The following REL variants were observed in gnomAD, a reference collection of about 807,000 sequenced individuals.
REL encodes proto-oncogene c-Rel.
Under a neutral mutation model 45.9 loss-of-function variants are expected in REL, and 15 were observed. That is an observed-to-expected ratio of 0.33 (90% CI 0.22 to 0.50). The LOEUF (loss-of-function observed/expected upper bound fraction) is 0.50. Ranked by LOEUF, REL falls within the 20% of genes least tolerant of loss-of-function variation. The probability of loss-of-function intolerance (pLI) is 0.98; values close to 1 mark genes in which losing one functional copy is unlikely to be tolerated. For synonymous variants in REL, 239 were observed against 242.1 expected (o/e 0.99, Z 0.12); for missense variants, 601 against 715.2 (o/e 0.84, Z 1.82).
Position 60,928,157 on chromosome 2 carries a change from A to C in REL, c.*5622A>C. Reference sequence around the variant, plus strand: ...ATATAAGGAAAACCTGTCTCTGCAAAAAAAAAAAAAAAAAGAGGATACAAC... The same window carrying C: ...ATATAAGGAAAACCTGTCTCTGCAACAAAAAAAAAAAAAAGAGGATACAAC... On this transcript the variant is annotated 3_prime_UTR_variant, in exon 10 of 10. Coordinates refer to ENST00000394479, the MANE Select transcript of REL (RefSeq NM_001291746.2). 6.1e-6 allele frequency: 1 copy of C among 164,592 alleles called. No individual in the cohort carries two copies. The highest frequency in any genetic ancestry group is 1.2e-4 in the East Asian group (1 of 8,268). 10.2% of individuals were successfully genotyped at this position (164,592 alleles called of 1,614,324 possible).
At chr2:60,903,867 A>C (rs548018727) in intron 4 of REL, among the ~76,000 whole-genome samples, 1 of 152,024 alleles carries the variant, frequency 6.6e-6, no homozygotes, top group African/African-American at 2.4e-5. Context: ...GGGTTTTGCC[A>C]TATTCTCCAG....
chr2:60,912,387 T>G (rs1348957178), intron 4 of REL, among the ~76,000 whole-genome samples: 2 of 152,204 alleles, frequency 1.3e-5, no homozygotes, highest in African/African-American at 4.8e-5. Flanking sequence ...TTGTGACCCA[T>G]AGTCTGCCGT....
At chr2:60,890,949 G>A (rs35106495) in intron 1 of REL, among the ~76,000 whole-genome samples, 2 of 152,116 alleles carry the variant, frequency 1.3e-5, no homozygotes, top group Non-Finnish European at 2.9e-5. Context: ...TTTGAGAGTC[G>A]TCCATGTTAT....
intron 1 of REL, among the ~76,000 whole-genome samples, chr2:60,884,578 A>G (rs1002004155): frequency 4.6e-5 from 7 of 152,116 alleles, no homozygotes; most frequent in South Asian, 4.1e-4. Context: ...TCTATTTAAT[A>G]TAAGTAAAAT....
At chr2:60,920,181 T>G (rs1674099473) in intron 8 of REL, 72 bp downstream of exon 8, 1 of 1,195,870 alleles carries the variant, frequency 8.4e-7, no homozygotes, top group Non-Finnish European at 1.2e-6. Flanking sequence ...TTTTCAAATT[T>G]TATTATTTTT....
intron 3 of REL, among the ~76,000 whole-genome samples, chr2:60,897,102 C>A (rs1673369991): frequency 6.6e-6 from 1 of 152,020 alleles, no homozygotes; most frequent in Non-Finnish European, 1.5e-5. Context: ...TAAAAAGTAT[C>A]ACTGTAAACT....
chr2:60,893,426 A>T (rs1332720679), intron 2 of REL, among the ~76,000 whole-genome samples: 1 of 152,198 alleles, frequency 6.6e-6, no homozygotes, highest in Non-Finnish European at 1.5e-5. Context: ...AATAAAAAGG[A>T]AATAAGGAAA....
At chr2:60,900,658 A>C (rs1300454047) in intron 3 of REL, 1 of 194,016 alleles carries the variant, frequency 5.2e-6, no homozygotes, top group Non-Finnish European at 1.0e-5. Flanking sequence ...CGAGTAGCTG[A>C]GATTACAAGC....
chr2:60,890,153 A>G (rs2103923900), intron 1 of REL, among the ~76,000 whole-genome samples: 1 of 152,264 alleles, frequency 6.6e-6, no homozygotes, highest in Non-Finnish European at 1.5e-5. Context: ...AACTGGTGTA[A>G]GATGGTATCT....
rs549824510 is a variant in REL at position 60,928,154 on chromosome 2, CAA to C, written c.*5635_*5636del. ...GTAATATAAGGAAAACCTGTCTCTG[CAA>C]AAAAAAAAAAAAAAAGAGGATACAA... is the stretch of plus-strand genomic sequence containing the variant. On this transcript the variant is annotated 3_prime_UTR_variant, in exon 10 of 10. Transcript: ENST00000394479. 8.5e-3 allele frequency: 707 copies of C among 82,910 alleles called. No individual in the cohort carries two copies. Among genetic ancestry groups the C allele is most frequent in the East Asian group, 0.038 (179 of 4,772 alleles). 5.1% of individuals were successfully genotyped at this position (82,910 alleles called of 1,614,324 possible).
chr2:60,907,199 C>T (rs942380714), intron 4 of REL, among the ~76,000 whole-genome samples: 33 of 151,548 alleles, frequency 2.2e-4, no homozygotes, highest in African/African-American at 7.8e-4. Flanking sequence ...GGATTACAGG[C>T]GTGAGCCACC....
intron 2 of REL, among the ~76,000 whole-genome samples, chr2:60,892,989 G>A (rs183249104): frequency 5.8e-4 from 88 of 152,256 alleles, no homozygotes; most frequent in African/African-American, 1.8e-3. Context: ...TCCTGACCTC[G>A]TGATCCGACT....
At position 60,918,423 on chromosome 2, in the gene REL, G is replaced by A. The variant is rs188947380; in HGVS notation, c.670G>A (p.Asp224Asn). 8.1e-6 allele frequency: 13 copies of A among 1,612,904 alleles called. No individual in the cohort carries two copies. Among genetic ancestry groups the A allele is most frequent in the Admixed American group, 1.7e-5 (1 of 59,872 alleles). ...DDIEVRFVLN[D>N]WEAKGIFSQA... ...CATAGAAGTTCGTTTTGTGTTGAAC[G>A]ATTGGGAAGCAAAAGGCATCTTTTC... Residue 224 changes from aspartate to asparagine, a missense_variant, in exon 7 of 10, where the codon GAT becomes AAT. Asp to Asn is a conservative substitution (Grantham distance 23). Around this residue, in one of 4 missense-constraint regions of REL, gnomAD observed 241 missense variants for 347.0 expected, o/e 0.69. Transcript: ENST00000394479.
Position 60,921,945 on chromosome 2 carries a change from A to G in REL, c.1174A>G (p.Asn392Asp), listed in dbSNP as rs776119664. 1 of 1,614,168 alleles carries G rather than the reference A, an allele frequency of 6.2e-7. No homozygotes were observed. Among genetic ancestry groups the G allele is most frequent in the Admixed American group, 1.7e-5 (1 of 60,020 alleles). ...SVAHPTPRSG[N>D]TNPLSSFSTR... ...GGCCCACCCCACCCCACGCTCAGGC[A>G]ATACAAACCCACTGAGTAGTTTTTC... Residue 392 changes from asparagine to aspartate, a missense_variant, in exon 10 of 10, where the codon AAT becomes GAT. This residue lies in a region of REL where 334 missense variants were observed against 333.1 expected (regional missense o/e 1.00). Transcript: ENST00000394479.
intron 2 of REL, among the ~76,000 whole-genome samples, chr2:60,892,718 C>T (rs1395683651): frequency 6.6e-6 from 1 of 151,934 alleles, no homozygotes; most frequent in East Asian, 1.9e-4. Flanking sequence ...GCGTGAGCCA[C>T]TGCGTCCAGC....
At chr2:60,897,733 A>C (rs1333489877) in intron 3 of REL, among the ~76,000 whole-genome samples, 3 of 152,074 alleles carry the variant, frequency 2.0e-5, no homozygotes, top group Non-Finnish European at 4.4e-5. Flanking sequence ...ATGTCTCAAA[A>C]GTACCTTAAG....
rs1674248444 is a variant in REL, at chr2:60,925,556, A to C, written c.*3021A>C. 1 of 180,386 alleles carries C rather than the reference A, an allele frequency of 5.5e-6. No individual in the cohort carries two copies. 11.2% of individuals were successfully genotyped at this position (180,386 alleles called of 1,614,324 possible). A position where few individuals can be genotyped will look rare whatever the true frequency, so the allele number is the denominator to read the frequency against. On this transcript the variant is annotated 3_prime_UTR_variant, in exon 10 of 10. Transcript: ENST00000394479. ...AGTAATTTTTTTACTTAAAAATATA[A>C]ATTAAAATAAATTTTTAAAATCATA...
intron 2 of REL, among the ~76,000 whole-genome samples, chr2:60,892,313 A>G (rs1187436657): frequency 6.6e-6 from 1 of 152,192 alleles, no homozygotes; most frequent in Non-Finnish European, 1.5e-5. Flanking sequence ...TCATTGACTG[A>G]TTTGAAATAC....
In REL at chr2:60,922,085, C is replaced by A. The variant is rs368454199; in HGVS notation, c.1314C>A (p.Val438=). Residue 438 remains valine, a synonymous_variant, in exon 10 of 10, where the codon GTC becomes GTA. Transcript: ENST00000394479. Reference sequence around the variant, plus strand: ...TTTACAACAATGCCGATGACATAGTCGGAATGGAAGCGTCATCCATGCCAT... The same window carrying A: ...TTTACAACAATGCCGATGACATAGTAGGAATGGAAGCGTCATCCATGCCAT... The part of the protein sequence containing the change: ...ACIYNNADDI[V]GMEASSMPSA... 1.2e-6 allele frequency: 2 copies of A among 1,614,042 alleles called. No individual in the cohort carries two copies. Among genetic ancestry groups the A allele is most frequent in the Admixed American group, 1.7e-5 (1 of 60,010 alleles).
Sources: allele counts gnomAD v4.1 joint callset (sites outside exome capture counted in the v4.1 genomes callset), GRCh38; gene constraint gnomAD v4.1.1; regional missense constraint gnomAD v4.1.1; transcripts MANE v1.5; gene names NCBI Gene and HGNC (gene_info 2026-07-23, HGNC 2026-07-21).